The following TMEM163 variants were observed in gnomAD, a reference collection of about 807,000 sequenced individuals.
The protein encoded by TMEM163 is transmembrane protein 163.
A neutral mutation model predicts 29.3 loss-of-function variants in TMEM163; 17 were observed. The ratio of observed to expected loss-of-function variants is 0.58; its 90% CI spans 0.40 to 0.87. TMEM163 has a LOEUF of 0.87. Among genes scored for constraint, TMEM163 ranks in the 40% least tolerant of loss-of-function variants. The pLI is 0.00. For missense variants in TMEM163, 303 were observed against 381.5 expected, an observed-to-expected ratio of 0.79 and a Z score of 1.71; for synonymous variants, 157 against 160.6, an observed-to-expected ratio of 0.98 and a Z score of 0.17.
intron 2 of TMEM163, among the ~76,000 whole-genome samples, chr2:134,588,865 C>T (rs913337415): frequency 1.7e-4 from 26 of 151,864 alleles, no homozygotes; most frequent in Admixed American, 9.2e-4. Context: ...AGAGGCCATT[C>T]GGTGGGGAGG....
chr2:134,593,637 C>T (rs1681990477), intron 2 of TMEM163, among the ~76,000 whole-genome samples: 1 of 151,808 alleles, frequency 6.6e-6, no homozygotes, highest in Non-Finnish European at 1.5e-5. Context: ...GGAGTTGGGG[C>T]AGAGGAGAGG....
At chr2:134,652,735 A>G (rs1237969911) in intron 2 of TMEM163, among the ~76,000 whole-genome samples, 1 of 131,438 alleles carries the variant, frequency 7.6e-6, no homozygotes, top group Non-Finnish European at 1.6e-5. Context: ...TACCTAATTT[A>G]TTGAGAGTTT....
chr2:134,571,267 T>C (rs545149421), intron 2 of TMEM163, among the ~76,000 whole-genome samples: 1 of 152,338 alleles, frequency 6.6e-6, no homozygotes, highest in East Asian at 1.9e-4. Flanking sequence ...ATTGCCCATA[T>C]ACTGTCTCGC....
chr2:134,615,651 C>CTTTTTTTTTT (rs35159964), intron 2 of TMEM163, among the ~76,000 whole-genome samples: 1 of 79,150 alleles, frequency 1.3e-5, no homozygotes, highest in African/African-American at 5.3e-5. Flanking sequence ...AAGAGCAGAG[C>CTTTTTTTTTT]TTTTTTTTTT....
In TMEM163 at chr2:134,460,883, T is replaced by C. The variant is rs961699814; in HGVS notation, c.668-2710A>G. ...TTCTAGGAGGAGACTCTGCCTTGCCTGGCTCGGCTCACCTTTTGTGATGAC... is the reference window on the plus strand; with the variant it reads ...TTCTAGGAGGAGACTCTGCCTTGCCCGGCTCGGCTCACCTTTTGTGATGAC... On this transcript the variant is annotated intron_variant, in intron 6 of 7. Coordinates refer to ENST00000281924, the MANE Select transcript of TMEM163 (RefSeq NM_030923.5). This position sits in a 1 kb window ranked among gnomAD's most constrained non-coding sequence, Gnocchi z 4.3. Among the ~76,000 whole-genome samples the C allele has an allele frequency of 2.6e-5, 4 of 152,220 alleles. No individual in the cohort carries two copies. Among genetic ancestry groups the C allele is most frequent in the Non-Finnish European group, 5.9e-5 (4 of 68,040 alleles).
At chr2:134,599,948 A>G (rs1682188867) in intron 2 of TMEM163, among the ~76,000 whole-genome samples, 1 of 152,020 alleles carries the variant, frequency 6.6e-6, no homozygotes, top group South Asian at 2.1e-4. Context: ...CACACACCCT[A>G]CACACATCTA....
chr2:134,515,052 T>C (rs1242540796), intron 4 of TMEM163, among the ~76,000 whole-genome samples: 1 of 152,248 alleles, frequency 6.6e-6, no homozygotes, highest in Non-Finnish European at 1.5e-5. Flanking sequence ...TAGAAGATTC[T>C]TGAAAGGGAC....
At chr2:134,470,912 C>T (rs1686785364) in intron 5 of TMEM163, among the ~76,000 whole-genome samples, 1 of 152,238 alleles carries the variant, frequency 6.6e-6, no homozygotes, top group Non-Finnish European at 1.5e-5. Flanking sequence ...TGGCTCATGC[C>T]TGGAATCCCA....
At chr2:134,670,786 T>G (rs1352194142) in intron 2 of TMEM163, among the ~76,000 whole-genome samples, 1 of 152,206 alleles carries the variant, frequency 6.6e-6, no homozygotes, top group African/African-American at 2.4e-5. Flanking sequence ...CTGCTCCCCA[T>G]TTGTAACTGG....
At chr2:134,582,808 G>C (rs891891607) in intron 2 of TMEM163, among the ~76,000 whole-genome samples, 1 of 152,172 alleles carries the variant, frequency 6.6e-6, no homozygotes, top group East Asian at 1.9e-4. Context: ...TCTCATGTGG[G>C]GGCTGGGGGT....
chr2:134,585,139 C>T (rs1681783822), intron 2 of TMEM163, among the ~76,000 whole-genome samples: 1 of 152,228 alleles, frequency 6.6e-6, no homozygotes, highest in African/African-American at 2.4e-5. Context: ...CACCTGGAAA[C>T]AGGGACAGAA....
chr2:134,661,119 ACT>A (rs1430400071), intron 2 of TMEM163, among the ~76,000 whole-genome samples: 1 of 149,940 alleles, frequency 6.7e-6, no homozygotes, highest in Non-Finnish European at 1.5e-5. Context: ...ATGCTTACGT[ACT>A]CTCTCACACA....
At chr2:134,599,968 A>T (rs545499995) in intron 2 of TMEM163, among the ~76,000 whole-genome samples, 1 of 152,292 alleles carries the variant, frequency 6.6e-6, no homozygotes, top group African/African-American at 2.4e-5. Flanking sequence ...AGAGTCATCA[A>T]GAACCTCATA....
At chr2:134,676,060 G>A (rs1026516490) in intron 2 of TMEM163, among the ~76,000 whole-genome samples, 9 of 152,068 alleles carry the variant, frequency 5.9e-5, no homozygotes, top group African/African-American at 2.2e-4. Context: ...ACTGACCTGC[G>A]ACATAAGGTA....
At chr2:134,685,844 A>G (rs1684339872) in intron 2 of TMEM163, among the ~76,000 whole-genome samples, 2 of 152,250 alleles carry the variant, frequency 1.3e-5, no homozygotes, top group African/African-American at 2.4e-5. Context: ...GACAGCAAAT[A>G]GGTTTTGCAT....
chr2:134,615,528 G>T (rs1682590859), intron 2 of TMEM163, among the ~76,000 whole-genome samples: 1 of 151,592 alleles, frequency 6.6e-6, no homozygotes, highest in Non-Finnish European at 1.5e-5. Context: ...ATTAACAGCA[G>T]AAACAATAAC....
At chr2:134,619,427 A>G (rs1682679832) in intron 2 of TMEM163, among the ~76,000 whole-genome samples, 1 of 152,242 alleles carries the variant, frequency 6.6e-6, no homozygotes, top group Non-Finnish European at 1.5e-5. Flanking sequence ...GATTTAGCAC[A>G]GTAATGCAAG....
chr2:134,616,369 G>C (rs989439441), intron 2 of TMEM163, among the ~76,000 whole-genome samples: 1 of 152,156 alleles, frequency 6.6e-6, no homozygotes, highest in Admixed American at 6.5e-5. Context: ...GTTCCAATGG[G>C]AGATCTTTAG....
At chr2:134,542,672 A>C (rs1263498795) in intron 4 of TMEM163, among the ~76,000 whole-genome samples, 1 of 151,884 alleles carries the variant, frequency 6.6e-6, no homozygotes, top group East Asian at 1.9e-4. Context: ...CCGCGGAAAA[A>C]TTTTCTTCCA....
Sources: gnomAD v4.1 joint callset for allele counts (sites outside exome capture counted in the v4.1 genomes callset) on GRCh38, gnomAD v4.1.1 for gene constraint, Gnocchi (gnomAD v3.1) non-coding constraint, MANE v1.5 for transcripts, NCBI Gene and HGNC (gene_info 2026-07-23, HGNC 2026-07-21) for gene names.